AJAP1: variants seen among roughly 807,000 people sequenced by gnomAD.
AJAP1 encodes the protein adherens junction-associated protein 1.
AJAP1 carries 5 observed loss-of-function variants against 35.0 expected under a neutral mutation model. That is an observed-to-expected ratio of 0.14 (90% CI 0.07 to 0.30). The LOEUF (loss-of-function observed/expected upper bound fraction) is 0.30. Ranked by LOEUF, AJAP1 falls within the 10% of genes least tolerant of loss-of-function variation. AJAP1 has a pLI of 1.00. For missense variants in AJAP1, 586 were observed against 571.0 expected, an observed-to-expected ratio of 1.03 and a Z score of -0.27; for synonymous variants, 284 against 249.3, an observed-to-expected ratio of 1.14 and a Z score of -1.31.
intron 2 of AJAP1, among the ~76,000 whole-genome samples, chr1:4,765,051 C>G (rs189738891): frequency 6.6e-6 from 1 of 152,324 alleles, no homozygotes; most frequent in Admixed American, 6.5e-5. Context: ...TTTTCATCAT[C>G]TGGATGGCAG....
intron 2 of AJAP1, among the ~76,000 whole-genome samples, chr1:4,735,274 C>T (rs1640892701): frequency 1.3e-5 from 2 of 152,200 alleles, no homozygotes; most frequent in African/African-American, 2.4e-5. Context: ...TCTTTTCTTC[C>T]GTGACACTCA....
intron 2 of AJAP1, among the ~76,000 whole-genome samples, chr1:4,766,395 A>T (rs563666548): frequency 5.9e-5 from 9 of 152,346 alleles, no homozygotes; most frequent in Middle Eastern, 3.4e-3. Flanking sequence ...GATGGGGCGG[A>T]TGCTGTAAAC....
chr1:4,670,350 C>A (rs1639225174), intron 1 of AJAP1, among the ~76,000 whole-genome samples: 1 of 152,160 alleles, frequency 6.6e-6, no homozygotes, highest in East Asian at 1.9e-4. Flanking sequence ...AAAGCAATTG[C>A]CCCGGGATGA....
At chr1:4,703,038 G>C (rs932677256) in intron 1 of AJAP1, among the ~76,000 whole-genome samples, 1 of 152,196 alleles carries the variant, frequency 6.6e-6, no homozygotes. Flanking sequence ...GTCAAGTATC[G>C]CATGCGCGCT....
At chr1:4,701,428 G>T (rs946079144) in intron 1 of AJAP1, among the ~76,000 whole-genome samples, 1 of 152,206 alleles carries the variant, frequency 6.6e-6, no homozygotes, top group Admixed American at 6.5e-5. Flanking sequence ...TTTGGGAGCA[G>T]CTGTAGGTCA....
At chr1:4,695,586 G>T (rs1303252422) in intron 1 of AJAP1, among the ~76,000 whole-genome samples, 3 of 152,192 alleles carry the variant, frequency 2.0e-5, no homozygotes, top group Admixed American at 6.5e-5. Flanking sequence ...TTAAAGAAGA[G>T]AAATGTGTTT....
chr1:4,754,070 T>C (rs1363030282), intron 2 of AJAP1, among the ~76,000 whole-genome samples: 2 of 152,194 alleles, frequency 1.3e-5, no homozygotes, highest in African/African-American at 2.4e-5. Flanking sequence ...AAATCAGACA[T>C]TGACCAGCTA....
intron 1 of AJAP1, among the ~76,000 whole-genome samples, chr1:4,705,873 A>C (rs1640090132): frequency 6.6e-6 from 1 of 152,130 alleles, no homozygotes; most frequent in Admixed American, 6.5e-5. Flanking sequence ...ACGGACGCTA[A>C]GCTAAGTGCA....
chr1:4,749,390 T>G (rs1641270723), intron 2 of AJAP1, among the ~76,000 whole-genome samples: 1 of 152,206 alleles, frequency 6.6e-6, no homozygotes, highest in African/African-American at 2.4e-5. Flanking sequence ...TTCCTTCCAC[T>G]GACCCTGTCA....
chr1:4,737,093 G>T (rs188557960), intron 2 of AJAP1, among the ~76,000 whole-genome samples: 1 of 152,174 alleles, frequency 6.6e-6, no homozygotes, highest in Admixed American at 6.5e-5. Context: ...GAATTATTAC[G>T]CCTGTTTGCA....
At chr1:4,753,168 A>C (rs1448172648) in intron 2 of AJAP1, among the ~76,000 whole-genome samples, 1 of 152,236 alleles carries the variant, frequency 6.6e-6, no homozygotes, top group African/African-American at 2.4e-5. Flanking sequence ...TTTTCAGCTA[A>C]ATCTTTCATC....
chr1:4,737,314 C>T (rs1289202909), intron 2 of AJAP1, among the ~76,000 whole-genome samples: 2 of 152,096 alleles, frequency 1.3e-5, no homozygotes, highest in Non-Finnish European at 2.9e-5. Context: ...CCTGGACAAG[C>T]CCCCGTCACC....
rs1275709270 is a variant in AJAP1 at position 4,791,642 on chromosome 1, A to G, written c.*9157A>G. The G allele has an allele frequency of 1.3e-5, 2 of 152,184 alleles. No homozygotes were observed. Among genetic ancestry groups the G allele is most frequent in the African/African-American group, 4.8e-5 (2 of 41,454 alleles). The allele number at this position is 152,184 out of a possible 1,614,324, so 9.4% of individuals were successfully genotyped here. On this transcript the variant is annotated 3_prime_UTR_variant, in exon 6 of 6. Transcript: ENST00000378191. ...GTGGAAAAGGTGGTCAACCATTTGGATGTTTGACTTTCACAACATCAAGCA... is the reference window on the plus strand; with the variant it reads ...GTGGAAAAGGTGGTCAACCATTTGGGTGTTTGACTTTCACAACATCAAGCA...
intron 2 of AJAP1, among the ~76,000 whole-genome samples, chr1:4,725,066 C>T (rs1396408135): frequency 6.6e-6 from 1 of 152,208 alleles, no homozygotes; most frequent in Non-Finnish European, 1.5e-5. Context: ...ATGAAACTGC[C>T]TGCCAGCCCT....
At chr1:4,679,808 G>GGTGT (rs60846836) in intron 1 of AJAP1, among the ~76,000 whole-genome samples, 19,671 of 142,134 alleles carry the variant, frequency 0.14, 1,371 homozygotes, top group Non-Finnish European at 0.16. Context: ...GAACCAATAG[G>GGTGT]GTGTGTGTGT....
rs530165899 is a variant in AJAP1 at position 4,687,687 on chromosome 1, C to T, written c.30-24213C>T. Among the ~76,000 whole-genome samples, 8 of 152,278 alleles carry T rather than the reference C, an allele frequency of 5.3e-5. No homozygotes were observed. In the South Asian group the frequency reaches 1.2e-3, roughly 24 times the overall value. On this transcript the variant is annotated intron_variant, in intron 1 of 5. Coordinates refer to ENST00000378191, the MANE Select transcript of AJAP1 (RefSeq NM_018836.4). Reference sequence around the variant, plus strand: ...GTGCCAAACTGAATCGTAGAGTGAACGTCCCTGTCACTCTGAGAAGAACGA... The same window carrying T: ...GTGCCAAACTGAATCGTAGAGTGAATGTCCCTGTCACTCTGAGAAGAACGA...
intron 2 of AJAP1, among the ~76,000 whole-genome samples, chr1:4,745,479 G>T (rs1314341685): frequency 6.6e-6 from 1 of 152,176 alleles, no homozygotes; most frequent in Admixed American, 6.5e-5. Flanking sequence ...AAAGGATAAA[G>T]CTCCGCTCCA....
At chr1:4,725,728 G>A (rs945102714) in intron 2 of AJAP1, among the ~76,000 whole-genome samples, 1 of 152,068 alleles carries the variant, frequency 6.6e-6, no homozygotes, top group Non-Finnish European at 1.5e-5. Flanking sequence ...GAAGTCTGAG[G>A]TCAGGGTGTC....
chr1:4,716,632 G>A (rs1033629101), intron 2 of AJAP1, among the ~76,000 whole-genome samples: 10 of 151,774 alleles, frequency 6.6e-5, no homozygotes, highest in Non-Finnish European at 1.0e-4. Context: ...GGTGGAAATG[G>A]TGATGATGAT....
Sources: allele counts gnomAD v4.1 joint callset (sites outside exome capture counted in the v4.1 genomes callset), GRCh38; gene constraint gnomAD v4.1.1; transcripts MANE v1.5; gene names NCBI Gene and HGNC (gene_info 2026-07-23, HGNC 2026-07-21).